KCNMA1: variants seen among roughly 807,000 people sequenced by gnomAD.
The protein encoded by KCNMA1 is Calcium-activated potassium channel subunit alpha-1.
In KCNMA1, 29 loss-of-function variants were observed where a neutral mutation model predicts 140.0. The observed-to-expected ratio is 0.21, with a 90% CI of 0.15 to 0.28. The LOEUF is 0.28. KCNMA1 is among the 10% of genes least tolerant of loss of function. The pLI is 1.00. For synonymous variants in KCNMA1, 612 were observed against 611.9 expected (o/e 1.00, Z 0.00); for missense variants, 880 against 1,602.2 (o/e 0.55, Z 7.70).
At chr10:77,002,015 T>G (rs2086644428) in intron 18 of KCNMA1, among the ~76,000 whole-genome samples, 1 of 152,156 alleles carries the variant, frequency 6.6e-6, no homozygotes, top group Non-Finnish European at 1.5e-5. Context: ...TAATAAATGG[T>G]TTTTGCAAGA....
At chr10:76,914,456 A>C (rs187038404) in intron 24 of KCNMA1, 50 of 434,872 alleles carry the variant, frequency 1.1e-4, no homozygotes, top group Admixed American at 7.1e-4. Context: ...CGATACGTTA[A>C]ATGTCAAGTT....
chr10:77,079,064 A>C (rs1285919767), intron 13 of KCNMA1, among the ~76,000 whole-genome samples: 1 of 152,160 alleles, frequency 6.6e-6, no homozygotes, highest in East Asian at 1.9e-4. Flanking sequence ...TGAGGTTGGG[A>C]GTTCGAGACC....
intron 2 of KCNMA1, among the ~76,000 whole-genome samples, chr10:77,362,942 T>G (rs117021211): frequency 6.6e-6 from 1 of 152,318 alleles, no homozygotes; most frequent in Non-Finnish European, 1.5e-5. Context: ...TATGGTCCCC[T>G]GGTCCATGAT....
intron 19 of KCNMA1, chr10:76,978,400 A>G (rs1229954787): frequency 6.6e-6 from 1 of 152,206 alleles, no homozygotes; most frequent in African/African-American, 2.4e-5. Flanking sequence ...TTATGTATTT[A>G]TGAATTTATA....
intron 2 of KCNMA1, among the ~76,000 whole-genome samples, chr10:77,288,682 T>A (rs117814648): frequency 6.6e-6 from 1 of 152,160 alleles, no homozygotes; most frequent in African/African-American, 2.4e-5. Flanking sequence ...TCTCCAGAAA[T>A]GCTGCTTTTA....
intron 2 of KCNMA1, among the ~76,000 whole-genome samples, chr10:77,361,309 T>C (rs1325506174): frequency 1.3e-5 from 2 of 152,186 alleles, no homozygotes; most frequent in Non-Finnish European, 1.5e-5. Flanking sequence ...AATTCCCAAC[T>C]CTGAATTCAG....
At chr10:77,053,907 G>T (rs544668405) in intron 14 of KCNMA1, among the ~76,000 whole-genome samples, 6 of 152,186 alleles carry the variant, frequency 3.9e-5, no homozygotes, top group Middle Eastern at 3.4e-3. Flanking sequence ...GCTAAGAGAG[G>T]TTCAGTAGCC....
Position 76,928,074 on chromosome 10 carries a change from T to A in KCNMA1, c.2903-13025A>T, listed in dbSNP as rs532804819. On this transcript the variant is annotated intron_variant, in intron 23 of 27. Transcript: ENST00000286628. Reference sequence around the variant, plus strand: ...TGTATACTGGCAAATAGAATCTGCATCCCTGTTTACAAAAGGGAGTTGGAG... The same window carrying A: ...TGTATACTGGCAAATAGAATCTGCAACCCTGTTTACAAAAGGGAGTTGGAG... Among the ~76,000 whole-genome samples, 12 of 152,236 alleles carry A rather than the reference T, an allele frequency of 7.9e-5. No individual in the cohort carries two copies. The South Asian group carries it at 2.1e-3, about 26-fold the overall frequency.
At chr10:77,033,782 C>T (rs1034212718) in intron 15 of KCNMA1, among the ~76,000 whole-genome samples, 2 of 152,084 alleles carry the variant, frequency 1.3e-5, no homozygotes, top group Non-Finnish European at 2.9e-5. Flanking sequence ...TTAGGGTCAA[C>T]GGTTTATTCA....
At chr10:76,993,969 C>CT (rs1004526700) in intron 19 of KCNMA1, among the ~76,000 whole-genome samples, 1 of 152,238 alleles carries the variant, frequency 6.6e-6, no homozygotes, top group Non-Finnish European at 1.5e-5. Flanking sequence ...AGAATCCTCA[C>CT]TTTTTTCTCC....
At chr10:77,579,814 A>G (rs1019727126) in intron 1 of KCNMA1, among the ~76,000 whole-genome samples, 5 of 152,156 alleles carry the variant, frequency 3.3e-5, no homozygotes, top group Admixed American at 1.3e-4. Context: ...AGCAAAGGAA[A>G]TGAGTCACAG....
At chr10:77,532,297 C>T (rs553912728) in intron 1 of KCNMA1, among the ~76,000 whole-genome samples, 19 of 152,160 alleles carry the variant, frequency 1.2e-4, no homozygotes, top group Non-Finnish European at 2.2e-4. Context: ...GACTCCAACA[C>T]GAGATGACTT....
intron 2 of KCNMA1, among the ~76,000 whole-genome samples, chr10:77,401,442 A>G (rs2096263310): frequency 6.6e-6 from 1 of 152,174 alleles, no homozygotes; most frequent in Non-Finnish European, 1.5e-5. Flanking sequence ...GGTGTAAGCC[A>G]CCACGCCTGG....
intron 9 of KCNMA1, among the ~76,000 whole-genome samples, chr10:77,107,628 T>A (rs1222482678): frequency 6.6e-6 from 1 of 152,218 alleles, no homozygotes; most frequent in Admixed American, 6.5e-5. Flanking sequence ...GATAAAGTGA[T>A]CTGAGCACAC....
chr10:77,534,826 A>G (rs1257430254), intron 1 of KCNMA1, among the ~76,000 whole-genome samples: 3 of 152,212 alleles, frequency 2.0e-5, no homozygotes, highest in South Asian at 2.1e-4. Context: ...CCAGCCTACA[A>G]TCTATACCTA....
At chr10:77,013,627 G>C (rs529241391) in intron 17 of KCNMA1, among the ~76,000 whole-genome samples, 1 of 152,032 alleles carries the variant, frequency 6.6e-6, no homozygotes, top group African/African-American at 2.4e-5. Flanking sequence ...TGATAATAAC[G>C]GTAACAATCA....
chr10:76,956,282 G>A (rs942394226), intron 20 of KCNMA1, among the ~76,000 whole-genome samples: 1 of 152,126 alleles, frequency 6.6e-6, no homozygotes, highest in Non-Finnish European at 1.5e-5. Context: ...ATTAACTGGG[G>A]TAGTGGTTTC....
intron 1 of KCNMA1, among the ~76,000 whole-genome samples, chr10:77,501,256 G>A (rs536411326): frequency 6.6e-6 from 1 of 152,338 alleles, no homozygotes. Flanking sequence ...TGTGGACACA[G>A]GCTCACAGTG....
At chr10:76,955,930 A>C (rs1052971833) in intron 20 of KCNMA1, among the ~76,000 whole-genome samples, 14 of 152,198 alleles carry the variant, frequency 9.2e-5, no homozygotes, top group Non-Finnish European at 1.9e-4. Context: ...AGCCAGGTTC[A>C]AATTCTCTTG....
Sources: allele counts gnomAD v4.1 joint callset (sites outside exome capture counted in the v4.1 genomes callset), GRCh38; gene constraint gnomAD v4.1.1; transcripts MANE v1.5; gene names NCBI Gene and HGNC (gene_info 2026-07-23, HGNC 2026-07-21).